The following FRY variants were observed in gnomAD, a reference collection of about 807,000 sequenced individuals.
FRY encodes FRY microtubule binding protein, also known as protein furry homolog.
In FRY, 128 loss-of-function variants were observed where a neutral mutation model predicts 348.4. The observed-to-expected ratio is 0.37, with a 90% CI of 0.32 to 0.43. FRY has a LOEUF of 0.43. FRY is among the 20% of genes least tolerant of loss of function. The pLI, the probability that FRY is intolerant of heterozygous loss-of-function variation, is 1.00. For missense variants in FRY, 2,736 were observed against 3,695.2 expected, an observed-to-expected ratio of 0.74 and a Z score of 6.73; for synonymous variants, 1,370 against 1,374.7, an observed-to-expected ratio of 1.00 and a Z score of 0.08.
intron 7 of FRY, 104 bp from the exon 8 acceptor site, chr13:32,131,568 A>G (rs1879366433): frequency 3.8e-6 from 3 of 796,830 alleles, no homozygotes; most frequent in Non-Finnish European, 6.5e-6. Context: ...GAACTGATTT[A>G]AAGGATTCCA....
rs1878889401 is a variant in FRY at position 32,124,325 on chromosome 13, C to A, written c.504C>A (p.Asp168Glu). ...GAGATTATTTAATGGAAAGACGGGA[C>A]CTCGCCATTGATTTTATTTTTTCTT... ...QQRDYLMERR[D>E]LAIDFIFSLV... is the part of the protein sequence containing the mutation. The change falls in exon 5 of 61, where the codon GAC (aspartate) becomes GAA (glutamate). Residue 168 changes from aspartate (D) to glutamate (E), a missense_variant. Physicochemically the swap from Asp to Glu is conservative, Grantham distance 45. Transcript: ENST00000542859. The A allele has an allele frequency of 1.9e-6, 3 of 1,601,708 alleles. No individual in the cohort carries two copies. Among genetic ancestry groups the A allele is most frequent in the Non-Finnish European group, 2.6e-6 (3 of 1,169,242 alleles).
chr13:32,152,283 A>G (rs1386207040), intron 14 of FRY, among the ~76,000 whole-genome samples: 1 of 152,230 alleles, frequency 6.6e-6, no homozygotes, highest in Non-Finnish European at 1.5e-5. Context: ...CAAAATTTAT[A>G]TGGAAAATCA....
In FRY at chr13:32,160,264, A is replaced by G. The variant is rs562283596; in HGVS notation, c.1785-880A>G. 1.6e-4 allele frequency among the ~76,000 whole-genome samples: 25 copies of G among 152,306 alleles called. 1 individual carries two copies. In the South Asian group the frequency reaches 5.2e-3, roughly 32 times the overall value. On this transcript the variant is annotated intron_variant, in intron 16 of 60. Coordinates refer to ENST00000542859, the MANE Select transcript of FRY (RefSeq NM_023037.3). ...TATTGTGCTTGTGTCCTTGGATCACATTAATTTGGTACTGATTCTATATTT... is the reference window on the plus strand; with the variant it reads ...TATTGTGCTTGTGTCCTTGGATCACGTTAATTTGGTACTGATTCTATATTT...
rs1472466052 is a variant in FRY at position 32,136,966 on chromosome 13, C to T, written c.1173C>T (p.Asn391=). 4 of 1,552,062 alleles carry T rather than the reference C, an allele frequency of 2.6e-6. No homozygotes were observed. The highest frequency in any genetic ancestry group is 3.6e-6 in the Non-Finnish European group (4 of 1,123,334). Residue 391 remains asparagine (N), a synonymous_variant, in exon 11 of 61, where the codon AAC becomes AAT. Coordinates refer to ENST00000542859, the MANE Select transcript of FRY (RefSeq NM_023037.3). Reference sequence around the variant, plus strand: ...TTTTCCTCAACAACTGCTTGTCCAACCTTAAAGTTAGTATTTGTCAGCTCA... The same window carrying T: ...TTTTCCTCAACAACTGCTTGTCCAATCTTAAAGTTAGTATTTGTCAGCTCA... ...WHIFLNNCLS[N]LKNKDPKMAR...
At chr13:32,221,660 G>A (rs1885321856) in intron 36 of FRY, among the ~76,000 whole-genome samples, 1 of 152,272 alleles carries the variant, frequency 6.6e-6, no homozygotes, top group South Asian at 2.1e-4. Context: ...CTACAGGTGT[G>A]TGCCACCACA....
intron 36 of FRY, among the ~76,000 whole-genome samples, chr13:32,219,439 A>G (rs950561479): frequency 2.0e-5 from 3 of 148,538 alleles, no homozygotes; most frequent in Non-Finnish European, 4.5e-5. Flanking sequence ...TGGGGAAAAT[A>G]CACTAAGTCA....
rs1882494979 is a variant in FRY, at chr13:32,178,364, C to A, written c.2609C>A (p.Pro870His). Residue 870 changes from proline (P) to histidine (H), a missense_variant, in exon 21 of 61, where the codon CCC becomes CAC. Coordinates refer to ENST00000542859, the MANE Select transcript of FRY (RefSeq NM_023037.3). ...LRQENLPKHCPTALSYAWPYA... is the reference protein window; with the variant it reads ...LRQENLPKHCHTALSYAWPYA... ...CAGGAGAACTTACCCAAGCACTGCC[C>A]CACAGCCCTCAGCTATGCCTGGCCT... 6.2e-7 allele frequency: 1 copy of A among 1,614,050 alleles called. No homozygotes were observed. The highest frequency in any genetic ancestry group is 1.7e-5 in the Admixed American group (1 of 60,012).
intron 35 of FRY, among the ~76,000 whole-genome samples, chr13:32,215,796 C>T (rs903681746): frequency 6.6e-6 from 1 of 152,134 alleles, no homozygotes; most frequent in African/African-American, 2.4e-5. Flanking sequence ...TCTCAAACTC[C>T]TGGGCTCAAC....
intron 7 of FRY, among the ~76,000 whole-genome samples, chr13:32,127,790 T>C (rs1879117840): frequency 6.6e-6 from 1 of 151,888 alleles, no homozygotes; most frequent in Admixed American, 6.6e-5. Flanking sequence ...AAAAAAAAAG[T>C]AAAAGATAGA....
rs140837641 is a variant in FRY at position 32,250,581 on chromosome 13, C to T, written c.7170+894C>T. 2.0e-4 allele frequency among the ~76,000 whole-genome samples: 31 copies of T among 152,308 alleles called. No individual in the cohort carries two copies. In the East Asian group the frequency reaches 5.4e-3, roughly 27 times the overall value. ...GCGACAGAGGCCTTTCCTCTTTTGA[C>T]ATCCTTAGCAATTCTGAAAGATCTT... On this transcript the variant is annotated intron_variant, in intron 49 of 60. Coordinates refer to ENST00000542859, the MANE Select transcript of FRY (RefSeq NM_023037.3).
At chr13:32,143,683 T>C (rs1880222227) in intron 11 of FRY, among the ~76,000 whole-genome samples, 1 of 152,194 alleles carries the variant, frequency 6.6e-6, no homozygotes, top group African/African-American at 2.4e-5. Flanking sequence ...TAAACTGTTA[T>C]ATATATCTTA....
At chr13:32,214,545 C>T (rs55830745) in intron 35 of FRY, among the ~76,000 whole-genome samples, 38,652 of 152,104 alleles carry the variant, frequency 0.25, 5,357 homozygotes, top group African/African-American at 0.37. Context: ...TGGACACCCG[C>T]GTCTTACACA....
At chr13:32,079,109 C>G (rs1875305883) in intron 2 of FRY, 76 bp downstream of exon 2, 2 of 992,466 alleles carry the variant, frequency 2.0e-6, no homozygotes, top group South Asian at 2.5e-5. Context: ...AACACTATAA[C>G]AAAAGATGGA....
chr13:32,199,824 G>A (rs1447607216), intron 29 of FRY, among the ~76,000 whole-genome samples: 2 of 152,234 alleles, frequency 1.3e-5, no homozygotes, highest in South Asian at 2.1e-4. Context: ...TGTATTCATA[G>A]TAGGACATGC....
intron 46 of FRY, among the ~76,000 whole-genome samples, chr13:32,240,335 C>T (rs1041771193): frequency 7.2e-5 from 11 of 152,212 alleles, no homozygotes; most frequent in Non-Finnish European, 1.5e-4. Context: ...TAACACCTGT[C>T]AGTACACGGC....
At chr13:32,036,128 A>G (rs1872500830) in intron 1 of FRY, among the ~76,000 whole-genome samples, 1 of 152,230 alleles carries the variant, frequency 6.6e-6, no homozygotes, top group South Asian at 2.1e-4. Flanking sequence ...AGAAAAGCTT[A>G]AGAAAATCTC....
intron 1 of FRY, among the ~76,000 whole-genome samples, chr13:32,036,414 T>G (rs1872516109): frequency 6.6e-6 from 1 of 151,890 alleles, no homozygotes; most frequent in Non-Finnish European, 1.5e-5. Flanking sequence ...CAAATCAACA[T>G]CCATGTTCTC....
At chr13:32,233,301 G>A (rs28620807) in intron 41 of FRY, among the ~76,000 whole-genome samples, 2 of 152,200 alleles carry the variant, frequency 1.3e-5, no homozygotes, top group African/African-American at 4.8e-5. Context: ...ATGTGCTGCA[G>A]AGCCTCTGTG....
chr13:32,072,226 A>G (rs1025996766), intron 1 of FRY, among the ~76,000 whole-genome samples: 4 of 152,254 alleles, frequency 2.6e-5, no homozygotes, highest in African/African-American at 9.6e-5. Flanking sequence ...AATGGGAGGA[A>G]TATTTCACAT....
Sources: gnomAD v4.1 joint callset for allele counts (sites outside exome capture counted in the v4.1 genomes callset) on GRCh38, gnomAD v4.1.1 for gene constraint, MANE v1.5 for transcripts, NCBI Gene and HGNC (gene_info 2026-07-23, HGNC 2026-07-21) for gene names.